Variants in NELL1 observed in about 807,000 individuals in gnomAD.
NELL1 encodes the protein protein kinase C-binding protein NELL1.
Under a neutral mutation model 107.4 loss-of-function variants are expected in NELL1, and 76 were observed. The ratio of observed to expected loss-of-function variants is 0.71; its 90% CI spans 0.59 to 0.86. The LOEUF (loss-of-function observed/expected upper bound fraction) is 0.86. Ranked by LOEUF, NELL1 falls within the 40% of genes least tolerant of loss-of-function variation. NELL1 has a pLI of 0.00. For synonymous variants in NELL1, 353 were observed against 341.2 expected, an observed-to-expected ratio of 1.03 and a Z score of -0.38; for missense variants, 1,024 against 1,005.5, an observed-to-expected ratio of 1.02 and a Z score of -0.25.
intron 2 of NELL1, among the ~76,000 whole-genome samples, chr11:20,756,541 T>TTTTG (rs1484115026): frequency 1.4e-5 from 2 of 145,766 alleles, no homozygotes; most frequent in Non-Finnish European, 3.0e-5. Context: ...TTTTTTTTTT[T>TTTTG]TAGTAGAGAC....
intron 12 of NELL1, among the ~76,000 whole-genome samples, chr11:21,005,186 T>C (rs1055820457): frequency 1.3e-5 from 2 of 152,214 alleles, no homozygotes; most frequent in Non-Finnish European, 2.9e-5. Context: ...AAAACATCGA[T>C]ATGATGATTT....
chr11:21,573,873 G>GA, intron 19 of NELL1, among the ~76,000 whole-genome samples: 1 of 151,466 alleles, frequency 6.6e-6, no homozygotes, highest in East Asian at 2.0e-4. Context: ...AATGTTAGGG[G>GA]AAAAAAGTCC....
intron 14 of NELL1, among the ~76,000 whole-genome samples, chr11:21,342,616 C>G (rs1850595895): frequency 1.4e-5 from 2 of 144,656 alleles, no homozygotes; most frequent in African/African-American, 5.2e-5. Flanking sequence ...TGCACTCCAG[C>G]CTGGATGACA....
At chr11:21,187,299 T>C (rs781581106) in intron 13 of NELL1, among the ~76,000 whole-genome samples, 3 of 151,740 alleles carry the variant, frequency 2.0e-5, no homozygotes, top group Non-Finnish European at 4.4e-5. Flanking sequence ...AGAGACAAGA[T>C]GTCTGAAAGT....
At chr11:21,305,538 G>A (rs906198354) in intron 14 of NELL1, among the ~76,000 whole-genome samples, 7 of 151,826 alleles carry the variant, frequency 4.6e-5, no homozygotes, top group African/African-American at 1.5e-4. Flanking sequence ...AACATAAAAA[G>A]AATATGATAA....
chr11:21,035,099 C>CTA (rs1182011285), intron 12 of NELL1, among the ~76,000 whole-genome samples: 2 of 151,916 alleles, frequency 1.3e-5, no homozygotes, highest in African/African-American at 4.8e-5. Flanking sequence ...TTAGAGGAGT[C>CTA]TATATATATA....
chr11:20,782,738 C>G (rs888335615), intron 2 of NELL1, among the ~76,000 whole-genome samples: 5 of 152,166 alleles, frequency 3.3e-5, no homozygotes, highest in African/African-American at 1.2e-4. Context: ...GGTCACCAAA[C>G]ACACTTCTAA....
At chr11:21,134,408 C>G (rs1431908431) in intron 13 of NELL1, among the ~76,000 whole-genome samples, 2 of 152,068 alleles carry the variant, frequency 1.3e-5, no homozygotes, top group Admixed American at 6.6e-5. Flanking sequence ...AGATCCAAGG[C>G]CTGTTTAGGC....
At chr11:21,490,769 A>G (rs929472205) in intron 15 of NELL1, among the ~76,000 whole-genome samples, 1 of 151,970 alleles carries the variant, frequency 6.6e-6, no homozygotes, top group Non-Finnish European at 1.5e-5. Flanking sequence ...GAAACTAGAT[A>G]CCCATTTCAC....
chr11:21,275,608 T>G (rs1848837442), intron 14 of NELL1, among the ~76,000 whole-genome samples: 1 of 152,136 alleles, frequency 6.6e-6, no homozygotes, highest in African/African-American at 2.4e-5. Flanking sequence ...AAAAGAGAAT[T>G]TTAGACCAAT....
intron 13 of NELL1, among the ~76,000 whole-genome samples, chr11:21,152,339 G>A (rs1856137170): frequency 6.6e-6 from 1 of 152,132 alleles, no homozygotes; most frequent in Non-Finnish European, 1.5e-5. Context: ...TATTTTGACA[G>A]GTGATATGTT....
At position 21,459,361 on chromosome 11, in the gene NELL1, A is replaced by AAAAAAAG. The variant is rs1380033230; in HGVS notation, c.1646-75007_1646-75006insGAAAAAA. Among the ~76,000 whole-genome samples the AAAAAAAG allele has an allele frequency of 1.3e-5, 2 of 151,644 alleles. 1 individual carries two copies. The highest frequency in any genetic ancestry group is 4.8e-5 in the African/African-American group (2 of 41,318). The stretch of plus-strand genomic sequence containing the variant: ...AAGTTACAGTGTGTTCACTAGCAAA[A>AAAAAAAG]AAAAAAAAAGTAGGATTTGAAAACT... On this transcript the variant is annotated intron_variant, in intron 15 of 19. Coordinates refer to ENST00000357134, the MANE Select transcript of NELL1 (RefSeq NM_006157.5).
intron 3 of NELL1, among the ~76,000 whole-genome samples, chr11:20,802,666 C>A (rs1040398655): frequency 1.3e-5 from 2 of 152,154 alleles, no homozygotes; most frequent in East Asian, 3.9e-4. Flanking sequence ...CAAAAGCTTT[C>A]AGTTTTTTCC....
intron 16 of NELL1, among the ~76,000 whole-genome samples, chr11:21,544,631 A>G (rs1332783224): frequency 6.6e-6 from 1 of 151,918 alleles, no homozygotes; most frequent in Non-Finnish European, 1.5e-5. Flanking sequence ...CTTTATCCTC[A>G]AAACAACTCC....
intron 2 of NELL1, among the ~76,000 whole-genome samples, chr11:20,760,708 A>G (rs543800959): frequency 8.9e-4 from 136 of 152,196 alleles, no homozygotes; most frequent in Non-Finnish European, 1.7e-3. Context: ...AAATAAAAAT[A>G]AGATTTCTTA....
At chr11:20,693,304 C>T (rs7482730) in intron 2 of NELL1, among the ~76,000 whole-genome samples, 66,986 of 151,584 alleles carry the variant, frequency 0.44, 16,323 homozygotes, top group Middle Eastern at 0.61. Context: ...CTAATATTGT[C>T]GTATGTGAAT....
chr11:21,270,322 T>C (rs1397873723), intron 14 of NELL1, among the ~76,000 whole-genome samples: 1 of 151,946 alleles, frequency 6.6e-6, no homozygotes, highest in Non-Finnish European at 1.5e-5. Context: ...ATATACAGAT[T>C]AAAAGCAAAT....
intron 12 of NELL1, among the ~76,000 whole-genome samples, chr11:21,016,815 T>G (rs1300888661): frequency 6.6e-6 from 1 of 152,096 alleles, no homozygotes; most frequent in African/African-American, 2.4e-5. Flanking sequence ...TTGAAACCTT[T>G]CAGGAGTTTA....
chr11:21,210,909 C>G (rs1857484556), intron 13 of NELL1, among the ~76,000 whole-genome samples: 3 of 152,248 alleles, frequency 2.0e-5, no homozygotes, highest in Middle Eastern at 6.8e-3. Flanking sequence ...GCTTCTGATA[C>G]CAAAGCTTTT....
Sources: gnomAD v4.1 joint callset for allele counts (sites outside exome capture counted in the v4.1 genomes callset) on GRCh38, gnomAD v4.1.1 for gene constraint, MANE v1.5 for transcripts, NCBI Gene and HGNC (gene_info 2026-07-23, HGNC 2026-07-21) for gene names.